Variants in MYH9 observed in about 807,000 individuals in gnomAD.
MYH9 encodes myosin heavy chain 9.
A neutral mutation model predicts 241.9 loss-of-function variants in MYH9; 29 were observed. The ratio of observed to expected loss-of-function variants is 0.12; its 90% confidence interval spans 0.09 to 0.16. MYH9 has a LOEUF of 0.16. Among genes scored for constraint, MYH9 ranks in the 10% least tolerant of loss-of-function variants. The pLI is 1.00. For synonymous variants in MYH9, 1,047 were observed against 1,062.6 expected, an observed-to-expected ratio of 0.99 and a Z score of 0.29; for missense variants, 1,803 against 2,595.5, an observed-to-expected ratio of 0.69 and a Z score of 6.63.
Position 36,319,557 on chromosome 22 carries a change from G to T in MYH9, c.1091C>A (p.Ser364Tyr). The T allele has an allele frequency of 6.2e-7, 1 of 1,614,184 alleles. No homozygotes were observed. Among genetic ancestry groups the T allele is most frequent in the Non-Finnish European group, 8.5e-7 (1 of 1,180,036 alleles). The change falls in exon 10 of 41, where the codon TCC (serine) becomes TAC (tyrosine). Residue 364 changes from serine to tyrosine, a missense_variant. Around this residue, in one of 11 missense-constraint regions of MYH9, gnomAD observed 222 missense variants for 359.9 expected, o/e 0.62. Coordinates refer to ENST00000216181, the MANE Select transcript of MYH9 (RefSeq NM_002473.6). ...GGTGTTACCTGTGTTGTCGGGCATG[G>T]ACGCCTGGTCAGTGTTCCGCTCCTT... is the stretch of plus-strand genomic sequence containing the variant. Reference protein sequence around the residue: ...FKKERNTDQASMPDNTAAQKV... With the variant: ...FKKERNTDQAYMPDNTAAQKV...
At chr22:36,378,466 T>G (rs888441036) in intron 1 of MYH9, among the ~76,000 whole-genome samples, 1 of 152,170 alleles carries the variant, frequency 6.6e-6, no homozygotes, top group South Asian at 2.1e-4. Flanking sequence ...TCCCGTGCAT[T>G]TTGTGTTGAA....
chr22:36,379,091 G>A (rs1198016075), intron 1 of MYH9, among the ~76,000 whole-genome samples: 3 of 152,158 alleles, frequency 2.0e-5, no homozygotes, highest in Non-Finnish European at 4.4e-5. Context: ...CTTTTAAGCA[G>A]GGGATGATTT....
In MYH9 at chr22:36,305,781, T is replaced by A. The variant is rs570861556; in HGVS notation, c.2159+149A>T. ...GCAAAGGGTGGAAAAGAGAAGGAGG[T>A]GGGGAAGAGCTGGCCAGACTCAGTT... On this transcript the variant is annotated intron_variant, in intron 17 of 40. Transcript: ENST00000216181. The surrounding 1 kb of genome is among the most constrained non-coding windows in gnomAD (Gnocchi z 4.7). 1 of 1,109,452 alleles carries A rather than the reference T, an allele frequency of 9.0e-7. No individual in the cohort carries two copies. The highest frequency in any genetic ancestry group is 1.5e-5 in the African/African-American group (1 of 65,226). The allele number at this position is 1,109,452 out of a possible 1,614,324, so 68.7% of individuals were successfully genotyped here.
chr22:36,362,585 T>C (rs2146407447), intron 1 of MYH9, among the ~76,000 whole-genome samples: 1 of 152,256 alleles, frequency 6.6e-6, no homozygotes, highest in Admixed American at 6.5e-5. Context: ...GCCTCCTGGA[T>C]TCAAGTGATT....
chr22:36,384,520 T>C (rs1329465982), intron 1 of MYH9, among the ~76,000 whole-genome samples: 1 of 129,154 alleles, frequency 7.7e-6, no homozygotes, highest in Non-Finnish European at 1.6e-5. Flanking sequence ...GAGGAAGAGG[T>C]TGCAGCAAGC....
chr22:36,326,106 C>A (rs1244982051), intron 5 of MYH9, among the ~76,000 whole-genome samples: 2 of 152,164 alleles, frequency 1.3e-5, no homozygotes, highest in Admixed American at 1.3e-4. Flanking sequence ...TTCCAATTGC[C>A]CTTTCTGTCT....
At chr22:36,302,511 T>C (rs1010142922) in intron 20 of MYH9, 57 bp downstream of exon 20, 25 of 1,372,168 alleles carry the variant, frequency 1.8e-5, no homozygotes, top group Non-Finnish European at 2.5e-5. Flanking sequence ...TAGCCAGGTA[T>C]GTATGGTGGT....
intron 1 of MYH9, among the ~76,000 whole-genome samples, chr22:36,350,626 A>G (rs748011081): frequency 1.3e-5 from 2 of 152,254 alleles, no homozygotes; most frequent in Non-Finnish European, 2.9e-5. Flanking sequence ...GCTATCTCGA[A>G]AGGTCTTTGT....
At chr22:36,309,187 T>C in intron 15 of MYH9, 95 bp downstream of exon 15, 1 of 1,041,224 alleles carries the variant, frequency 9.6e-7, no homozygotes, top group Non-Finnish European at 1.5e-6. Context: ...GGGGCACATG[T>C]GTACCCCTTG....
At chr22:36,372,245 T>C (rs1480049549) in intron 1 of MYH9, among the ~76,000 whole-genome samples, 1 of 152,100 alleles carries the variant, frequency 6.6e-6, no homozygotes, top group East Asian at 1.9e-4. Context: ...CCCAGCACTT[T>C]TGAAGGTCAA....
chr22:36,343,453 T>C (rs1008915439), intron 2 of MYH9, among the ~76,000 whole-genome samples: 3 of 150,192 alleles, frequency 2.0e-5, no homozygotes, highest in African/African-American at 7.4e-5. Context: ...GAGACTGAGA[T>C]AGGAGGATCA....
intron 1 of MYH9, among the ~76,000 whole-genome samples, chr22:36,383,724 G>C (rs1031122490): frequency 6.6e-6 from 1 of 151,862 alleles, no homozygotes; most frequent in Non-Finnish European, 1.5e-5. Flanking sequence ...TTGGGAGGCT[G>C]AGGCGGGTAG....
Position 36,306,694 on chromosome 22 carries a change from G to A in MYH9, c.1844-87C>T, listed in dbSNP as rs930188422. ...ACGTAGGAGAGAGAGACAGGCACAC[G>A]TCGGACAGGAAAAGAGGAGACAGAA... On this transcript the variant is annotated intron_variant, in intron 15 of 40. Coordinates refer to ENST00000216181, the MANE Select transcript of MYH9 (RefSeq NM_002473.6). The surrounding 1 kb of genome is among the most constrained non-coding windows in gnomAD (Gnocchi z 4.1). 7 of 1,297,644 alleles carry A rather than the reference G, an allele frequency of 5.4e-6. No homozygotes were observed. The highest frequency in any genetic ancestry group is 2.9e-5 in the African/African-American group (2 of 68,332). The allele number at this position is 1,297,644 out of a possible 1,614,324, so 80.4% of individuals were successfully genotyped here. A position where few individuals can be genotyped will look rare whatever the true frequency, so the allele number is the denominator to read the frequency against.
chr22:36,371,755 G>A (rs1300202879), intron 1 of MYH9, among the ~76,000 whole-genome samples: 2 of 151,922 alleles, frequency 1.3e-5, no homozygotes, highest in African/African-American at 2.4e-5. Flanking sequence ...GGCTGGTCTC[G>A]AACTCCTGAC....
In MYH9 at chr22:36,327,476, T is replaced by C; in HGVS notation, c.503A>G (p.Gln168Arg). 2 of 1,614,064 alleles carry C rather than the reference T, an allele frequency of 1.2e-6. No individual in the cohort carries two copies. The highest frequency in any genetic ancestry group is 1.7e-6 in the Non-Finnish European group (2 of 1,179,958). ...YRSMMQDRED[Q>R]SILCTGESGA... ...AAATACTTACGTGCACAAGATGGATTGATCTTCTCGGTCTGAAACAAAGAA... is the reference window on the plus strand; with the variant it reads ...AAATACTTACGTGCACAAGATGGATCGATCTTCTCGGTCTGAAACAAAGAA... Residue 168 changes from glutamine to arginine, a missense_variant, in exon 4 of 41, where the codon CAA becomes CGA. Physicochemically the swap from Gln to Arg is conservative, Grantham distance 43. Around this residue, in one of 11 missense-constraint regions of MYH9, gnomAD observed 72 missense variants for 134.3 expected, o/e 0.54. Transcript: ENST00000216181.
chr22:36,344,524 G>C lies in MYH9; in HGVS notation c.334-2998C>G, dbSNP rs553893404. Among the ~76,000 whole-genome samples the C allele has an allele frequency of 2.0e-5, 3 of 152,350 alleles. No homozygotes were observed. The East Asian group carries it at 5.8e-4, about 29-fold the overall frequency. The stretch of plus-strand genomic sequence containing the variant: ...CTGACATGCTAATAACTCTGCATCT[G>C]CTGGGGTCTCCACTAGAATGACTAC... On this transcript the variant is annotated intron_variant, in intron 2 of 40. Transcript: ENST00000216181.
At position 36,320,230 on chromosome 22, in the gene MYH9, C is replaced by T; in HGVS notation, c.1002G>A (p.Glu334=). The change falls in exon 9 of 41, where the codon GAG becomes GAA. Residue 334 remains glutamate (E), a synonymous_variant. Transcript: ENST00000216181. The surrounding 1 kb of genome is among the most constrained non-coding windows in gnomAD (Gnocchi z 4.8). ...GGGCCAGCCCTGTACCCATTTGCTCCTCTTCTGGGATGCCCATAATCCTCA... is the reference window on the plus strand; with the variant it reads ...GGGCCAGCCCTGTACCCATTTGCTCTTCTTCTGGGATGCCCATAATCCTCA... ...EAMRIMGIPE[E]EQMGLLRVIS... The T allele has an allele frequency of 5.6e-6, 9 of 1,614,232 alleles. No individual in the cohort carries two copies. Among genetic ancestry groups the T allele is most frequent in the Non-Finnish European group, 7.6e-6 (9 of 1,180,046 alleles).
Position 36,288,632 on chromosome 22 carries a change from G to A in MYH9, c.4770+95C>T. The A allele has an allele frequency of 6.8e-7, 1 of 1,476,412 alleles. No homozygotes were observed. Among genetic ancestry groups the A allele is most frequent in the Non-Finnish European group, 9.4e-7 (1 of 1,069,394 alleles). The allele number at this position is 1,476,412 out of a possible 1,614,324, so 91.5% of individuals were successfully genotyped here. On this transcript the variant is annotated intron_variant, in intron 33 of 40. Transcript: ENST00000216181. The surrounding 1 kb of genome is among the most constrained non-coding windows in gnomAD (Gnocchi z 4.8). ...ATGGGAGGGGAGGCGTGGTCAAGGG[G>A]CCCTAACACAATCCAGGTGGAAGGA... is the stretch of plus-strand genomic sequence containing the variant.
At chr22:36,356,159 T>A (rs549028077) in intron 1 of MYH9, among the ~76,000 whole-genome samples, 2 of 152,292 alleles carry the variant, frequency 1.3e-5, no homozygotes, top group Admixed American at 1.3e-4. Flanking sequence ...GCAGCCCCTC[T>A]GTTTGTTTTT....
Sources: gnomAD v4.1 joint callset for allele counts (sites outside exome capture counted in the v4.1 genomes callset) on GRCh38, gnomAD v4.1.1 for gene constraint, gnomAD v4.1.1 regional missense constraint, Gnocchi (gnomAD v3.1) non-coding constraint, MANE v1.5 for transcripts, NCBI Gene and HGNC (gene_info 2026-07-23, HGNC 2026-07-21) for gene names.